STRN: variants seen among roughly 807,000 people sequenced by gnomAD.
STRN encodes protein phosphatase 2 regulatory subunit B'''alpha.
STRN carries 53 observed loss-of-function variants against 96.3 expected under a neutral mutation model. The ratio of observed to expected loss-of-function variants is 0.55; its 90% CI spans 0.44 to 0.69. STRN has a LOEUF of 0.69. STRN is among the 30% of genes least tolerant of loss of function. STRN has a pLI of 0.00. For synonymous variants in STRN, 428 were observed against 355.9 expected (o/e 1.20, Z -2.28); for missense variants, 987 against 963.9 (o/e 1.02, Z -0.32).
Position 36,891,042 on chromosome 2 carries a change from T to C in STRN, c.931+2856A>G, listed in dbSNP as rs932521984. ...TTTTGGAATATTTGTACTATACTGGTTCAGCACCCCCCAATCCAAAAATCC... is the reference window on the plus strand; with the variant it reads ...TTTTGGAATATTTGTACTATACTGGCTCAGCACCCCCCAATCCAAAAATCC... On this transcript the variant is annotated intron_variant, in intron 7 of 17. Transcript: ENST00000263918. Among the ~76,000 whole-genome samples, 3 of 152,314 alleles carry C rather than the reference T, an allele frequency of 2.0e-5. No individual in the cohort carries two copies. The South Asian group carries it at 6.2e-4, about 32-fold the overall frequency.
At chr2:36,954,635 CTTT>C (rs1250882115) in intron 1 of STRN, among the ~76,000 whole-genome samples, 1 of 141,304 alleles carries the variant, frequency 7.1e-6, no homozygotes, top group South Asian at 2.3e-4. Context: ...GAGAGAACCA[CTTT>C]TTTTTTTTTT....
At chr2:36,964,863 G>A (rs1665120845) in intron 1 of STRN, among the ~76,000 whole-genome samples, 1 of 152,082 alleles carries the variant, frequency 6.6e-6, no homozygotes, top group Non-Finnish European at 1.5e-5. Flanking sequence ...AAGCTTGGTC[G>A]GTTTTCTTTC....
chr2:36,871,157 A>G (rs745828717), intron 10 of STRN, among the ~76,000 whole-genome samples: 11 of 152,210 alleles, frequency 7.2e-5, no homozygotes, highest in Non-Finnish European at 1.5e-4. Flanking sequence ...TTATTACTGA[A>G]GAAAATTTTT....
intron 2 of STRN, among the ~76,000 whole-genome samples, chr2:36,923,231 C>G (rs1670309138): frequency 6.6e-6 from 1 of 151,950 alleles, no homozygotes; most frequent in Admixed American, 6.6e-5. Context: ...GGTGGATTAC[C>G]TGAGGTCAGT....
intron 10 of STRN, among the ~76,000 whole-genome samples, chr2:36,874,242 C>A (rs1198099066): frequency 6.8e-6 from 1 of 146,822 alleles, no homozygotes; most frequent in Non-Finnish European, 1.5e-5. Flanking sequence ...ACAGCCTGGG[C>A]GACAAAGCAA....
intron 1 of STRN, among the ~76,000 whole-genome samples, chr2:36,946,958 AG>A (rs1450254804): frequency 9.2e-5 from 14 of 151,660 alleles, no homozygotes; most frequent in African/African-American, 3.4e-4. Flanking sequence ...TGCAGTGGTG[AG>A]ATTTCGGCTC....
chr2:36,858,937 T>C (rs1364127029), intron 13 of STRN, among the ~76,000 whole-genome samples: 2 of 152,168 alleles, frequency 1.3e-5, no homozygotes, highest in Non-Finnish European at 2.9e-5. Flanking sequence ...GAGTGAAACC[T>C]AGAATTTACA....
chr2:36,916,271 TCATAGCTTTC>T (rs751385038), intron 2 of STRN, 120 bp from the exon 3 acceptor site: 76 of 800,826 alleles, frequency 9.5e-5, no homozygotes, highest in Non-Finnish European at 1.4e-4. Flanking sequence ...TTTCAAAGGC[TCATAGCTTTC>T]CATGGTGTCA....
At chr2:36,896,960 G>C (rs931424479) in intron 6 of STRN, among the ~76,000 whole-genome samples, 5 of 152,124 alleles carry the variant, frequency 3.3e-5, no homozygotes, top group Admixed American at 2.0e-4. Flanking sequence ...CTGAGGTCAG[G>C]AGTTCGAGAC....
rs1272963120 is a variant in STRN, at chr2:36,838,309, T to C, written c.*11147A>G. ...AGCGAATTCCTCCTCAGAGCTTTAG[T>C]TGAGTACCCACCCTGGAAGACACTT... On this transcript the variant is annotated 3_prime_UTR_variant, in exon 18 of 18. Transcript: ENST00000263918. 6.6e-6 allele frequency among the ~76,000 whole-genome samples: 1 copy of C among 152,182 alleles called. No homozygotes were observed. Among genetic ancestry groups the C allele is most frequent in the Non-Finnish European group, 1.5e-5 (1 of 68,026 alleles).
intron 1 of STRN, among the ~76,000 whole-genome samples, chr2:36,960,753 A>G (rs1333719600): frequency 6.6e-6 from 1 of 152,336 alleles, no homozygotes; most frequent in Non-Finnish European, 1.5e-5. Context: ...GCCTTTTGTG[A>G]TAATTATAAA....
chr2:36,867,959 G>T, intron 11 of STRN, 98 bp from the exon 12 acceptor site: 2 of 871,526 alleles, frequency 2.3e-6, no homozygotes, highest in Admixed American at 2.7e-5. Flanking sequence ...AAACATTATG[G>T]GAATATACCA....
At chr2:36,920,955 G>C (rs1670237998) in intron 2 of STRN, among the ~76,000 whole-genome samples, 1 of 151,710 alleles carries the variant, frequency 6.6e-6, no homozygotes, top group African/African-American at 2.4e-5. Flanking sequence ...AACGCCTGTA[G>C]TCCCAGCTAC....
chr2:36,920,492 G>C (rs191968506), intron 2 of STRN, among the ~76,000 whole-genome samples: 29 of 152,204 alleles, frequency 1.9e-4, no homozygotes, highest in African/African-American at 7.0e-4. Context: ...TACAAAATTA[G>C]CCAGGTGTGG....
At chr2:36,867,782 C>T (rs367726648) in intron 12 of STRN, 32 bp downstream of exon 12, 24 of 1,401,496 alleles carry the variant, frequency 1.7e-5, no homozygotes, top group South Asian at 7.0e-5. Context: ...ACAGAGATAT[C>T]GGTTTAAAAT....
At chr2:36,894,074 T>G (rs2148188795) in intron 6 of STRN, 41 bp from the exon 7 acceptor site, 2 of 1,587,484 alleles carry the variant, frequency 1.3e-6, no homozygotes, top group East Asian at 2.2e-5. Context: ...GGAGATAGTT[T>G]CCCTTTACCA....
intron 14 of STRN, among the ~76,000 whole-genome samples, chr2:36,856,104 A>G (rs1668337164): frequency 6.6e-6 from 1 of 152,244 alleles, no homozygotes; most frequent in Admixed American, 6.5e-5. Context: ...ATGCAAATAA[A>G]CTATGATGAA....
chr2:36,865,737 T>A (rs1668605511), intron 12 of STRN, among the ~76,000 whole-genome samples: 1 of 152,080 alleles, frequency 6.6e-6, no homozygotes, highest in Admixed American at 6.6e-5. Flanking sequence ...AGTTTTTATA[T>A]TTTTAGTAGA....
At chr2:36,903,283 G>A (rs151327246) in intron 4 of STRN, among the ~76,000 whole-genome samples, 1 of 152,276 alleles carries the variant, frequency 6.6e-6, no homozygotes, top group East Asian at 1.9e-4. Context: ...AATGTAGGGG[G>A]TGTGTGTACA....
Sources: allele counts gnomAD v4.1 joint callset (sites outside exome capture counted in the v4.1 genomes callset), GRCh38; gene constraint gnomAD v4.1.1; transcripts MANE v1.5; gene names NCBI Gene and HGNC (gene_info 2026-07-23, HGNC 2026-07-21).